The following DDX42 variants were observed in gnomAD, a reference collection of about 807,000 sequenced individuals.
DDX42 encodes the protein DEAD-box helicase 42.
In DDX42, 22 loss-of-function variants were observed where a neutral mutation model predicts 101.5. The ratio of observed to expected loss-of-function variants is 0.22; its 90% CI spans 0.15 to 0.31. The LOEUF (loss-of-function observed/expected upper bound fraction) is 0.31, where lower values mean the gene tolerates loss of function less well. Ranked by LOEUF, DDX42 falls within the 10% of genes least tolerant of loss-of-function variation. The probability of loss-of-function intolerance (pLI) is 1.00; values close to 1 mark genes in which losing one functional copy is unlikely to be tolerated. For synonymous variants in DDX42, 402 were observed against 401.2 expected, an observed-to-expected ratio of 1.00 and a Z score of -0.02; for missense variants, 849 against 1,199.9, an observed-to-expected ratio of 0.71 and a Z score of 4.32.
intron 11 of DDX42, among the ~76,000 whole-genome samples, chr17:63,809,954 G>T (rs2039889443): frequency 6.6e-6 from 1 of 152,102 alleles, no homozygotes; most frequent in South Asian, 2.1e-4. Flanking sequence ...TGTGTTCTTG[G>T]GTAGATGAAT....
chr17:63,793,113 G>A (rs1486638266), intron 3 of DDX42, among the ~76,000 whole-genome samples: 7 of 151,704 alleles, frequency 4.6e-5, no homozygotes, highest in Non-Finnish European at 8.8e-5. Flanking sequence ...TTTTATTGTG[G>A]AAAAATTTAA....
At chr17:63,781,547 T>C (rs2039488051) in intron 1 of DDX42, among the ~76,000 whole-genome samples, 2 of 152,082 alleles carry the variant, frequency 1.3e-5, no homozygotes, top group South Asian at 4.1e-4. Flanking sequence ...CTAACTTCTC[T>C]TTAGTTTTCT....
At chr17:63,808,990 G>A (rs375990024) in intron 10 of DDX42, 42 bp downstream of exon 10, 58 of 1,599,550 alleles carry the variant, frequency 3.6e-5, no homozygotes, top group East Asian at 6.7e-5. Context: ...AGCCTCCCTC[G>A]GTATGGAAAA....
intron 1 of DDX42, among the ~76,000 whole-genome samples, chr17:63,781,317 A>ATGCCT (rs929774523): frequency 4.6e-5 from 7 of 152,106 alleles, no homozygotes; most frequent in Non-Finnish European, 7.4e-5. Flanking sequence ...TCCCAGGTTC[A>ATGCCT]TGCCTTTCTC....
In DDX42 at chr17:63,805,062, G is replaced by C; in HGVS notation, c.622-9G>C. 1 of 1,598,984 alleles carries C rather than the reference G, an allele frequency of 6.3e-7. No homozygotes were observed. Among genetic ancestry groups the C allele is most frequent in the Non-Finnish European group, 8.5e-7 (1 of 1,176,434 alleles). ...ATTCTAGACTAACTTTGAATAATTGGACCTGCAGATTGACTATCCACCATT... is the reference window on the plus strand; with the variant it reads ...ATTCTAGACTAACTTTGAATAATTGCACCTGCAGATTGACTATCCACCATT... On this transcript the variant is annotated splice_polypyrimidine_tract_variant and intron_variant, in intron 6 of 17. Coordinates refer to ENST00000389924, the MANE Select transcript of DDX42 (RefSeq NM_203499.3).
chr17:63,818,561 G>A lies in DDX42; in HGVS notation c.*163G>A, dbSNP rs531855587. Reference sequence around the variant, plus strand: ...TACCCCTTCATCAGAAGGAATTTTCGGATGTTTTCTTGGGAAGCTGTTTTG... The same window carrying A: ...TACCCCTTCATCAGAAGGAATTTTCAGATGTTTTCTTGGGAAGCTGTTTTG... On this transcript the variant is annotated 3_prime_UTR_variant, in exon 18 of 18. Transcript: ENST00000389924. 2.1e-5 allele frequency: 14 copies of A among 668,982 alleles called. No individual in the cohort carries two copies. Among genetic ancestry groups the A allele is most frequent in the South Asian group, 1.1e-4 (5 of 46,174 alleles). The allele number at this position is 668,982 out of a possible 1,614,324, so 41.4% of individuals were successfully genotyped here.
chr17:63,809,487 G>C lies in DDX42; in HGVS notation c.1153-73G>C. On this transcript the variant is annotated intron_variant, in intron 10 of 17. Coordinates refer to ENST00000389924, the MANE Select transcript of DDX42 (RefSeq NM_203499.3). ...GACTAGAGAATTAGCACTTTTGCCA[G>C]GAGTGCAACTGCTTAGAAAGTCCCT... The C allele has an allele frequency of 8.2e-6, 10 of 1,214,496 alleles. No individual in the cohort carries two copies. In the South Asian group the frequency reaches 1.2e-4, roughly 15 times the overall value. The allele number at this position is 1,214,496 out of a possible 1,614,324, so 75.2% of individuals were successfully genotyped here. A position where few individuals can be genotyped will look rare whatever the true frequency, so the allele number is the denominator to read the frequency against.
At chr17:63,780,294 C>CA (rs1163248994) in intron 1 of DDX42, among the ~76,000 whole-genome samples, 3 of 65,274 alleles carry the variant, frequency 4.6e-5, no homozygotes, top group Non-Finnish European at 7.8e-5. Context: ...GAAACTGTCT[C>CA]AAAAAAACAA....
At chr17:63,804,895 A>G (rs905453715) in intron 6 of DDX42, 176 bp from the exon 7 acceptor site, 2 of 735,706 alleles carry the variant, frequency 2.7e-6, no homozygotes, top group Non-Finnish European at 4.2e-6. Flanking sequence ...TAGGAACAGA[A>G]AACAAACTAG....
intron 3 of DDX42, 51 bp downstream of exon 3, chr17:63,792,613 A>G (rs1310843567): frequency 1.3e-6 from 2 of 1,533,378 alleles, no homozygotes; most frequent in Non-Finnish European, 1.8e-6. Flanking sequence ...AAATAGATCA[A>G]GTTAACTTAG....
chr17:63,810,329 G>A (rs964280562), intron 11 of DDX42, 184 bp from the exon 12 acceptor site: 2 of 426,350 alleles, frequency 4.7e-6, no homozygotes, highest in Admixed American at 4.1e-5. Context: ...GACCTCAAGT[G>A]ATCCGCCTGC....
intron 1 of DDX42, among the ~76,000 whole-genome samples, chr17:63,776,602 C>T (rs902001985): frequency 1.1e-4 from 17 of 151,122 alleles, no homozygotes; most frequent in African/African-American, 3.9e-4. Context: ...TAATTTTTCA[C>T]GCCAACTCTT....
At position 63,787,154 on chromosome 17, in the gene DDX42, C is replaced by T; in HGVS notation, c.105C>T (p.Ser35=). ...AGGAACCCAAACTCCCACAGCAGTC[C>T]CACAGTGCCTTTGGGGCAACCAGCT... ...KKEEPKLPQQ[S]HSAFGATSSS... The change falls in exon 2 of 18, where the codon TCC becomes TCT. Residue 35 remains serine (S), a synonymous_variant. Coordinates refer to ENST00000389924, the MANE Select transcript of DDX42 (RefSeq NM_203499.3). The T allele has an allele frequency of 1.2e-6, 2 of 1,614,114 alleles. No individual in the cohort carries two copies. Among genetic ancestry groups the T allele is most frequent in the East Asian group, 4.5e-5 (2 of 44,876 alleles).
intron 3 of DDX42, among the ~76,000 whole-genome samples, chr17:63,795,591 C>T (rs778035243): frequency 7.2e-5 from 11 of 152,196 alleles, no homozygotes; most frequent in African/African-American, 2.7e-4. Context: ...CTTGGCCTCT[C>T]AGAGTGCTGG....
chr17:63,776,630 C>T (rs892319538), intron 1 of DDX42, among the ~76,000 whole-genome samples: 1 of 144,598 alleles, frequency 6.9e-6, no homozygotes, highest in Non-Finnish European at 1.5e-5. Flanking sequence ...GTGATAGTCT[C>T]ATCTTTTTTT....
chr17:63,798,653 G>A (rs2039723005), intron 4 of DDX42, among the ~76,000 whole-genome samples: 1 of 152,144 alleles, frequency 6.6e-6, no homozygotes, highest in Admixed American at 6.6e-5. Context: ...TAGCTCCAGA[G>A]TGACATTGTG....
At chr17:63,786,802 C>T (rs1341546228) in intron 1 of DDX42, among the ~76,000 whole-genome samples, 2 of 152,322 alleles carry the variant, frequency 1.3e-5, no homozygotes, top group Middle Eastern at 6.8e-3. Context: ...CTCAGCCTCC[C>T]AAGTAGCTGG....
intron 1 of DDX42, among the ~76,000 whole-genome samples, chr17:63,785,271 C>G (rs956985694): frequency 6.7e-6 from 1 of 148,170 alleles, no homozygotes; most frequent in Non-Finnish European, 1.5e-5. Flanking sequence ...GAGTTCCAGA[C>G]CAGCCCATCT....
chr17:63,818,011 T>G lies in DDX42; in HGVS notation c.2430T>G (p.Tyr810Ter). 1 of 1,613,908 alleles carries G rather than the reference T, an allele frequency of 6.2e-7. No homozygotes were observed. The highest frequency in any genetic ancestry group is 8.5e-7 in the Non-Finnish European group (1 of 1,179,982). Residue 810 changes from tyrosine (Y) to a stop codon, truncating the protein, a stop_gained, in exon 18 of 18, where the codon TAT becomes TAG. Coordinates refer to ENST00000389924, the MANE Select transcript of DDX42 (RefSeq NM_203499.3). LOFTEE classifies it high-confidence loss of function. Reference protein sequence around the residue: ...TGGSNGKRERYTENRGSSRHS... With the variant: ...TGGSNGKRER Reference sequence around the variant, plus strand: ...GCAGCAACGGGAAAAGAGAGAGATATACTGAGAACCGGGGCAGCAGCCGTC... The same window carrying G: ...GCAGCAACGGGAAAAGAGAGAGATAGACTGAGAACCGGGGCAGCAGCCGTC...
Sources: allele counts gnomAD v4.1 joint callset (sites outside exome capture counted in the v4.1 genomes callset), GRCh38; gene constraint gnomAD v4.1.1; transcripts MANE v1.5; gene names NCBI Gene and HGNC (gene_info 2026-07-23, HGNC 2026-07-21).